MTCH2: variants seen among roughly 807,000 people sequenced by gnomAD.
The protein encoded by MTCH2 is mitochondrial carrier 2.
A neutral mutation model predicts 50.6 loss-of-function variants in MTCH2; 25 were observed. The observed-to-expected ratio is 0.49, with a 90% confidence interval of 0.36 to 0.69. MTCH2 has a LOEUF of 0.69. MTCH2 is among the 30% of genes least tolerant of loss of function. The pLI is 0.00. For missense variants in MTCH2, 273 were observed against 384.4 expected (o/e 0.71, Z 2.42); for synonymous variants, 106 against 132.0 (o/e 0.80, Z 1.35).
chr11:47,609,105 CAA>C, the MTCH2 span, among the ~76,000 whole-genome samples: 2 of 45,328 alleles, frequency 4.4e-5, no homozygotes, highest in Non-Finnish European at 8.2e-5. Context: ...GCTGGGGTAA[CAA>C]GAGCAAAACT....
At chr11:47,613,068 ATT>A (rs560795101), downstream of MTCH2, among the ~76,000 whole-genome samples, 1 of 145,436 alleles carries the variant, frequency 6.9e-6, no homozygotes, top group Non-Finnish European at 1.5e-5. Flanking sequence ...TGCCTGGCTA[ATT>A]TTTTTTTTTT....
intron 7 of MTCH2, 97 bp from the exon 8 acceptor site, chr11:47,630,711 C>T (rs915701438): frequency 2.2e-5 from 24 of 1,104,978 alleles, no homozygotes; most frequent in Admixed American, 1.6e-4. Context: ...GTCAAATCCA[C>T]GACCTCCTTC....
At chr11:47,621,842 A>G (rs1025428708) in intron 12 of MTCH2, among the ~76,000 whole-genome samples, 1 of 151,916 alleles carries the variant, frequency 6.6e-6, no homozygotes, top group Non-Finnish European at 1.5e-5. Flanking sequence ...CTGGAACTAT[A>G]GGCATGAGCC....
chr11:47,610,894 GTC>G, the MTCH2 span, among the ~76,000 whole-genome samples: 1 of 152,122 alleles, frequency 6.6e-6, no homozygotes, highest in South Asian at 2.1e-4. Flanking sequence ...TCTTCATGAA[GTC>G]TCTGATCTCC....
At chr11:47,617,307 A>G (rs528695963), downstream of MTCH2, 1 of 152,352 alleles carries the variant, frequency 6.6e-6, no homozygotes, top group East Asian at 1.9e-4. Flanking sequence ...GCCACAGGAT[A>G]AACATGGCAC....
chr11:47,640,953 A>G (rs893662912), intron 1 of MTCH2, among the ~76,000 whole-genome samples: 4 of 151,936 alleles, frequency 2.6e-5, no homozygotes, highest in Admixed American at 1.3e-4. Flanking sequence ...CTGGAGTACA[A>G]TGGCGCGATC....
At chr11:47,637,056 C>T (rs1253109487) in intron 3 of MTCH2, among the ~76,000 whole-genome samples, 21 of 150,624 alleles carry the variant, frequency 1.4e-4, no homozygotes, top group Non-Finnish European at 5.9e-5. Flanking sequence ...ATGGTTCAAT[C>T]TCAGCTCACT....
At chr11:47,610,739 G>C in the MTCH2 span, among the ~76,000 whole-genome samples, 4 of 152,038 alleles carry the variant, frequency 2.6e-5, no homozygotes, top group African/African-American at 7.2e-5. Context: ...GTATTACTTT[G>C]CATTCTAGAC....
chr11:47,614,867 C>T (rs112414133), downstream of MTCH2, among the ~76,000 whole-genome samples: 2,214 of 152,012 alleles, frequency 0.015, 61 homozygotes, highest in African/African-American at 0.051. Flanking sequence ...CGTGAGCCAC[C>T]GCACCCAGTC....
intron 1 of MTCH2, among the ~76,000 whole-genome samples, chr11:47,641,800 G>A (rs2097314430): frequency 6.6e-6 from 1 of 152,036 alleles, no homozygotes; most frequent in Non-Finnish European, 1.5e-5. Flanking sequence ...AAATCTGACA[G>A]AGCAACCCCT....
intron 12 of MTCH2, among the ~76,000 whole-genome samples, chr11:47,619,986 G>A (rs112542828): frequency 6.6e-6 from 1 of 152,000 alleles, no homozygotes; most frequent in Non-Finnish European, 1.5e-5. Context: ...CTGAGGCAGG[G>A]GAATTGCTTG....
At chr11:47,628,435 C>T (rs534728990) in intron 9 of MTCH2, among the ~76,000 whole-genome samples, 6 of 152,274 alleles carry the variant, frequency 3.9e-5, no homozygotes, top group African/African-American at 7.2e-5. Flanking sequence ...GGACTTTTAA[C>T]GTGTATCGTT....
At position 47,628,821 on chromosome 11, in the gene MTCH2, G is replaced by A. The variant is rs1332242492; in HGVS notation, c.633+132C>T. 1.9e-5 allele frequency: 13 copies of A among 673,556 alleles called. No individual in the cohort carries two copies. In the East Asian group the frequency reaches 2.4e-4, roughly 12 times the overall value. 41.7% of individuals were successfully genotyped at this position (673,556 alleles called of 1,614,324 possible). A position where few individuals can be genotyped will look rare whatever the true frequency, so the allele number is the denominator to read the frequency against. ...TCGAACTCTTGATCTCAGGTGATCC[G>A]CCCACATTGGCCTCCCAAAGTGCTG... On this transcript the variant is annotated intron_variant, in intron 9 of 12. Transcript: ENST00000302503.
chr11:47,638,120 C>T (rs2097310340), intron 3 of MTCH2, among the ~76,000 whole-genome samples: 1 of 151,952 alleles, frequency 6.6e-6, no homozygotes, highest in Admixed American at 6.6e-5. Context: ...TACCTGGTTA[C>T]CTCAAGTTTG....
chr11:47,632,685 T>C (rs994105151), intron 5 of MTCH2, among the ~76,000 whole-genome samples: 2 of 151,260 alleles, frequency 1.3e-5, no homozygotes, highest in Non-Finnish European at 2.9e-5. Flanking sequence ...AGTATCTTTA[T>C]GGTCACTGAG....
chr11:47,638,764 T>C lies in MTCH2; in HGVS notation c.214A>G (p.Thr72Ala). 6.2e-7 allele frequency: 1 copy of C among 1,614,272 alleles called. No individual in the cohort carries two copies. Among genetic ancestry groups the C allele is most frequent in the Non-Finnish European group, 8.5e-7 (1 of 1,180,056 alleles). Reference protein sequence around the residue: ...ASIDGRRGLFTGLTPRLCSGV... With the variant: ...ASIDGRRGLFAGLTPRLCSGV... ...GAACACAGTCTTGGAGTTAAGCCTG[T>C]GAACAACCCGCGCCTCCCATCGATA... The change falls in exon 3 of 13, where the codon ACA (threonine) becomes GCA (alanine). Residue 72 changes from threonine to alanine, a missense_variant. Thr to Ala is a moderately conservative substitution (Grantham distance 58). Around this residue, in one of 2 missense-constraint regions of MTCH2, gnomAD observed 203 missense variants for 244.3 expected, o/e 0.83. Coordinates refer to ENST00000302503, the MANE Select transcript of MTCH2 (RefSeq NM_014342.4).
the MTCH2 span, among the ~76,000 whole-genome samples, chr11:47,609,626 C>CA: frequency 8.8e-3 from 772 of 88,072 alleles, 19 homozygotes; most frequent in African/African-American, 0.018. Context: ...GACTCTGTCT[C>CA]AAAAAAAAAA....
chr11:47,622,563 C>T (rs1482118361), intron 12 of MTCH2, 138 bp downstream of exon 12: 2 of 652,026 alleles, frequency 3.1e-6, no homozygotes, highest in Non-Finnish European at 5.2e-6. Flanking sequence ...GTAAAGTGTA[C>T]ATTAACTGGC....
chr11:47,605,338 C>T, the MTCH2 span, among the ~76,000 whole-genome samples: 1 of 152,118 alleles, frequency 6.6e-6, no homozygotes, highest in Non-Finnish European at 1.5e-5. Context: ...TCTATTCAAC[C>T]TGAGATCAGC....
Sources: allele counts gnomAD v4.1 joint callset (sites outside exome capture counted in the v4.1 genomes callset), GRCh38; gene constraint gnomAD v4.1.1; regional missense constraint gnomAD v4.1.1; transcripts MANE v1.5; gene names NCBI Gene and HGNC (gene_info 2026-07-23, HGNC 2026-07-21).